SMAD2: variants seen among roughly 807,000 people sequenced by gnomAD.
The protein encoded by SMAD2 is MAD homolog 2.
A neutral mutation model predicts 64.4 loss-of-function variants in SMAD2; 8 were observed. That is an observed-to-expected ratio of 0.12 (90% confidence interval 0.07 to 0.22). The LOEUF (loss-of-function observed/expected upper bound fraction) is 0.22, where lower values mean the gene tolerates loss of function less well. Among genes scored for constraint, SMAD2 ranks in the 10% least tolerant of loss-of-function variants. The probability of loss-of-function intolerance (pLI) is 1.00; values close to 1 mark genes in which losing one functional copy is unlikely to be tolerated. For synonymous variants in SMAD2, 203 were observed against 195.8 expected (o/e 1.04, Z -0.31); for missense variants, 289 against 561.2 (o/e 0.51, Z 4.90).
At chr18:47,875,395 T>G (rs1335706253) in intron 2 of SMAD2, among the ~76,000 whole-genome samples, 1 of 152,140 alleles carries the variant, frequency 6.6e-6, no homozygotes, top group Non-Finnish European at 1.5e-5. Flanking sequence ...GGTATTTTCA[T>G]AGTACAAAAG....
intron 1 of SMAD2, among the ~76,000 whole-genome samples, chr18:47,915,942 T>G (rs954783215): frequency 4.6e-5 from 7 of 152,244 alleles, no homozygotes; most frequent in Non-Finnish European, 7.3e-5. Context: ...TTGAAAGTTC[T>G]CTTGTATTCA....
intron 2 of SMAD2, among the ~76,000 whole-genome samples, chr18:47,889,757 C>T (rs1026991670): frequency 4.8e-5 from 7 of 146,770 alleles, no homozygotes; most frequent in Admixed American, 1.4e-4. Context: ...GGTGACAGAG[C>T]GAGACTCCAT....
At chr18:47,849,442 G>A (rs943635812) in intron 7 of SMAD2, among the ~76,000 whole-genome samples, 80 of 151,398 alleles carry the variant, frequency 5.3e-4, no homozygotes, top group African/African-American at 1.9e-3. Flanking sequence ...TTGTGAAATA[G>A]GGTAAAATGA....
chr18:47,881,872 T>G (rs1568078799), intron 2 of SMAD2, among the ~76,000 whole-genome samples: 1 of 151,976 alleles, frequency 6.6e-6, no homozygotes, highest in Non-Finnish European at 1.5e-5. Flanking sequence ...TTACATAGTT[T>G]TTTTGTTTGT....
In SMAD2 at chr18:47,908,528, A is replaced by G. The variant is rs561892915; in HGVS notation, c.-53-11719T>C. The stretch of plus-strand genomic sequence containing the variant: ...ATAAAAGATATGTAGATACTACTCT[A>G]TCATTTACCATCATGAAATACAAAA... On this transcript the variant is annotated intron_variant, in intron 1 of 10. Coordinates refer to ENST00000262160, the MANE Select transcript of SMAD2 (RefSeq NM_005901.6). Among the ~76,000 whole-genome samples, 10 of 152,362 alleles carry G rather than the reference A, an allele frequency of 6.6e-5. No individual in the cohort carries two copies. The East Asian group carries it at 1.9e-3, about 29-fold the overall frequency.
intron 2 of SMAD2, among the ~76,000 whole-genome samples, chr18:47,884,152 G>A (rs1057334744): frequency 6.6e-6 from 1 of 152,136 alleles, no homozygotes; most frequent in Non-Finnish European, 1.5e-5. Flanking sequence ...CATTATGTGA[G>A]TAATAAACCT....
chr18:47,840,397 C>G lies in SMAD2; in HGVS notation c.*1430G>C, dbSNP rs1913830368. 2 of 232,704 alleles carry G rather than the reference C, an allele frequency of 8.6e-6. No homozygotes were observed. The highest frequency in any genetic ancestry group is 4.4e-5 in the African/African-American group (2 of 45,304). The allele number at this position is 232,704 out of a possible 1,614,324, so 14.4% of individuals were successfully genotyped here. On this transcript the variant is annotated 3_prime_UTR_variant, in exon 11 of 11. Transcript: ENST00000262160. The stretch of plus-strand genomic sequence containing the variant: ...TATTTGCTGCAGAATGAACTAGCAA[C>G]AGAGTTTCGGAAATCTCCTCTCACT...
intron 10 of SMAD2, among the ~76,000 whole-genome samples, chr18:47,843,073 T>C (rs1914127739): frequency 6.6e-6 from 1 of 152,192 alleles, no homozygotes; most frequent in Admixed American, 6.5e-5. Context: ...ATGGTATCAG[T>C]GCCCCACTGT....
At chr18:47,910,224 A>G (rs942796873) in intron 1 of SMAD2, among the ~76,000 whole-genome samples, 1 of 151,660 alleles carries the variant, frequency 6.6e-6, no homozygotes, top group Non-Finnish European at 1.5e-5. Context: ...GGATCTTTTT[A>G]GAGAAATTCA....
In SMAD2 at chr18:47,811,469, C is replaced by CAAAAAAAAAAAAAA. The variant is rs397938257; in HGVS notation, c.*30344_*30357dup. 2.4e-5 allele frequency: 2 copies of CAAAAAAAAAAAAAA among 82,634 alleles called. No individual in the cohort carries two copies. The highest frequency in any genetic ancestry group is 4.5e-5 in the Non-Finnish European group (2 of 44,582). The allele number at this position is 82,634 out of a possible 1,614,324, so 5.1% of individuals were successfully genotyped here. ...TGGGCGACAGAGCGAGACCTCGTCT[C>CAAAAAAAAAAAAAA]AAAAAAAAAAAAAAAAAAAAGAAAA... On this transcript the variant is annotated 3_prime_UTR_variant, in exon 11 of 11. Coordinates refer to ENST00000262160, the MANE Select transcript of SMAD2 (RefSeq NM_005901.6).
chr18:47,841,532 A>G lies in SMAD2; in HGVS notation c.*295T>C, dbSNP rs1913953113. On this transcript the variant is annotated 3_prime_UTR_variant, in exon 11 of 11. Transcript: ENST00000262160. ...TGATACATTACCTGTACACATAACTACTACTGTTATTAATAAACCTTTGGG... is the reference window on the plus strand; with the variant it reads ...TGATACATTACCTGTACACATAACTGCTACTGTTATTAATAAACCTTTGGG... 1 of 472,904 alleles carries G rather than the reference A, an allele frequency of 2.1e-6. No individual in the cohort carries two copies. Among genetic ancestry groups the G allele is most frequent in the Non-Finnish European group, 3.9e-6 (1 of 255,798 alleles). The allele number at this position is 472,904 out of a possible 1,614,324, so 29.3% of individuals were successfully genotyped here. A position where few individuals can be genotyped will look rare whatever the true frequency, so the allele number is the denominator to read the frequency against.
intron 1 of SMAD2, chr18:47,922,602 C>T (rs896211608): frequency 2.0e-5 from 3 of 152,080 alleles, no homozygotes; most frequent in African/African-American, 7.2e-5. Context: ...AGGAGAGTCC[C>T]GGAACCAATC....
At chr18:47,885,166 C>T (rs1028547135) in intron 2 of SMAD2, among the ~76,000 whole-genome samples, 2 of 148,284 alleles carry the variant, frequency 1.3e-5, no homozygotes, top group South Asian at 2.1e-4. Context: ...CACACACACA[C>T]ACACACACAC....
In SMAD2 at chr18:47,891,945, T is replaced by G. The variant is rs138036202; in HGVS notation, c.236+4576A>C. On this transcript the variant is annotated intron_variant, in intron 2 of 10. Coordinates refer to ENST00000262160, the MANE Select transcript of SMAD2 (RefSeq NM_005901.6). ...CAGGACTTTTCTGGGTCACCCATAC[T>G]CATTACTAAAAATTTGGTCAATTAA... Among the ~76,000 whole-genome samples the G allele has an allele frequency of 4.1e-4, 62 of 152,288 alleles. 3 individuals are homozygous for G. The East Asian group carries it at 0.01, about 25-fold the overall frequency.
In SMAD2 at chr18:47,837,561, CAA is replaced by C. The variant is rs59129117; in HGVS notation, c.*4264_*4265del. The C allele has an allele frequency of 4.9e-3, 760 of 154,052 alleles. No individual in the cohort carries two copies. Among genetic ancestry groups the C allele is most frequent in the Middle Eastern group, 7.5e-3 (4 of 534 alleles). The allele number at this position is 154,052 out of a possible 1,614,324, so 9.5% of individuals were successfully genotyped here. On this transcript the variant is annotated 3_prime_UTR_variant, in exon 11 of 11. Coordinates refer to ENST00000262160, the MANE Select transcript of SMAD2 (RefSeq NM_005901.6). ...TGGGCAACAGAGCGAGACTCCCTCT[CAA>C]AAAAAAAAAAAAAAAACAAAAAACA...
At chr18:47,902,199 T>C (rs79533115) in intron 1 of SMAD2, among the ~76,000 whole-genome samples, 2,057 of 152,302 alleles carry the variant, frequency 0.014, 19 homozygotes, top group Admixed American at 0.021. Flanking sequence ...GGAAAAACAA[T>C]GATCAGCTGC....
rs1303185222 is a variant in SMAD2, at chr18:47,813,710, A to T, written c.*28117T>A. On this transcript the variant is annotated 3_prime_UTR_variant, in exon 11 of 11. Transcript: ENST00000262160. ...CATGAGCCACTGTACCCGGCCCCAC[A>T]ATTTTTTTTTTTTTTTTTTTTTGGA... is the stretch of plus-strand genomic sequence containing the variant. 2.6e-5 allele frequency: 1 copy of T among 39,142 alleles called. No homozygotes were observed. The allele number at this position is 39,142 out of a possible 1,614,324, so 2.4% of individuals were successfully genotyped here.
At position 47,836,315 on chromosome 18, in the gene SMAD2, T is replaced by C; in HGVS notation, c.*5512A>G. Reference sequence around the variant, plus strand: ...ACAAAGTTAACCCTAAGTTAGTACATCCCAGAATCTGCTGGATGTATAATA... The same window carrying C: ...ACAAAGTTAACCCTAAGTTAGTACACCCCAGAATCTGCTGGATGTATAATA... On this transcript the variant is annotated 3_prime_UTR_variant, in exon 11 of 11. Coordinates refer to ENST00000262160, the MANE Select transcript of SMAD2 (RefSeq NM_005901.6). 4.5e-6 allele frequency: 1 copy of C among 223,564 alleles called. No homozygotes were observed. Among genetic ancestry groups the C allele is most frequent in the Non-Finnish European group, 8.9e-6 (1 of 111,972 alleles). 13.8% of individuals were successfully genotyped at this position (223,564 alleles called of 1,614,324 possible).
intron 1 of SMAD2, among the ~76,000 whole-genome samples, chr18:47,916,328 C>T (rs1454293488): frequency 1.3e-5 from 2 of 152,068 alleles, no homozygotes; most frequent in African/African-American, 4.8e-5. Context: ...TTGCACTTGC[C>T]CATACGGGGT....
Sources: gnomAD v4.1 joint callset for allele counts (sites outside exome capture counted in the v4.1 genomes callset) on GRCh38, gnomAD v4.1.1 for gene constraint, MANE v1.5 for transcripts, NCBI Gene and HGNC (gene_info 2026-07-23, HGNC 2026-07-21) for gene names.